APPL2: variants seen among roughly 807,000 people sequenced by gnomAD.
The protein encoded by APPL2 is DCC-interacting protein 13-beta.
APPL2 carries 84 observed loss-of-function variants against 92.7 expected under a neutral mutation model. The ratio of observed to expected loss-of-function variants is 0.91; its 90% CI spans 0.76 to 1.09. The LOEUF is 1.09. Among genes scored for constraint, APPL2 ranks in the 50% least tolerant of loss-of-function variants. APPL2 has a pLI of 0.00. For missense variants in APPL2, 736 were observed against 824.5 expected, an observed-to-expected ratio of 0.89 and a Z score of 1.31; for synonymous variants, 291 against 291.0, an observed-to-expected ratio of 1.00 and a Z score of 0.00.
Position 105,174,206 on chromosome 12 carries a change from T to C in APPL2, c.*108A>G, listed in dbSNP as rs953097566. ...CATCAAGATTACATTCCACAAACGA[T>C]TGTCAGCCTTCGGAAATCAGGTCAG... On this transcript the variant is annotated 3_prime_UTR_variant, in exon 21 of 21. Coordinates refer to ENST00000258530, the MANE Select transcript of APPL2 (RefSeq NM_018171.5). 2.9e-6 allele frequency: 4 copies of C among 1,363,992 alleles called. No individual in the cohort carries two copies. The highest frequency in any genetic ancestry group is 1.5e-5 in the South Asian group (1 of 67,142). 84.5% of individuals were successfully genotyped at this position (1,363,992 alleles called of 1,614,324 possible).
At chr12:105,175,139 C>T (rs997235121) in intron 20 of APPL2, among the ~76,000 whole-genome samples, 3 of 152,214 alleles carry the variant, frequency 2.0e-5, no homozygotes, top group Non-Finnish European at 4.4e-5. Flanking sequence ...CTGCCTCTGC[C>T]TCCCAAAGTG....
intron 4 of APPL2, among the ~76,000 whole-genome samples, chr12:105,212,439 A>G (rs1889303822): frequency 6.6e-6 from 1 of 152,262 alleles, no homozygotes; most frequent in Admixed American, 6.5e-5. Context: ...TATCATCACC[A>G]CTTTACAGAC....
At position 105,202,439 on chromosome 12, in the gene APPL2, C is replaced by T. The variant is rs61076820; in HGVS notation, c.704+1264G>A. Among the ~76,000 whole-genome samples the T allele has an allele frequency of 5.9e-3, 904 of 152,204 alleles. 18 individuals are homozygous for T. Among genetic ancestry groups the T allele is most frequent in the African/African-American group, 0.021 (854 of 41,508 alleles). On this transcript the variant is annotated intron_variant, in intron 9 of 20. Coordinates refer to ENST00000258530, the MANE Select transcript of APPL2 (RefSeq NM_018171.5). The stretch of plus-strand genomic sequence containing the variant: ...ACGCATGGGCACAAATGTCCTGCTA[C>T]CCATTCAGAAAATAATCAGGTGTGT...
intron 1 of APPL2, among the ~76,000 whole-genome samples, chr12:105,235,006 GTAT>G (rs1286694784): frequency 6.6e-6 from 1 of 152,176 alleles, no homozygotes; most frequent in Non-Finnish European, 1.5e-5. Context: ...ATCCTGGGAA[GTAT>G]TATTCACTTA....
chr12:105,209,652 C>A (rs1174281115), intron 5 of APPL2, among the ~76,000 whole-genome samples: 1 of 152,092 alleles, frequency 6.6e-6, no homozygotes, highest in Non-Finnish European at 1.5e-5. Flanking sequence ...TTAGAGAAAA[C>A]CCTTCAAAAA....
At chr12:105,203,870 G>A in intron 8 of APPL2, 85 bp from the exon 9 acceptor site, 4 of 1,237,206 alleles carry the variant, frequency 3.2e-6, no homozygotes, top group Non-Finnish European at 1.2e-6. Flanking sequence ...CAGCGTGAGG[G>A]CAGCCATCAC....
At position 105,232,491 on chromosome 12, in the gene APPL2, G is replaced by C. The variant is rs377287026; in HGVS notation, c.55-3268C>G. ...TTATCTCCATAATTTGGTGGAGGAA[G>C]AGAATGTCCTAGTGAAAAGAACCAA... is the stretch of plus-strand genomic sequence containing the variant. On this transcript the variant is annotated intron_variant, in intron 1 of 20. Coordinates refer to ENST00000258530, the MANE Select transcript of APPL2 (RefSeq NM_018171.5). Among the ~76,000 whole-genome samples the C allele has an allele frequency of 3.9e-5, 6 of 152,360 alleles. No individual in the cohort carries two copies. The East Asian group carries it at 1.2e-3, about 29-fold the overall frequency.
In APPL2 at chr12:105,177,282, A is replaced by G. The variant is rs368676151; in HGVS notation, c.1635-20T>C. 7 of 1,608,600 alleles carry G rather than the reference A, an allele frequency of 4.4e-6. No homozygotes were observed. Among genetic ancestry groups the G allele is most frequent in the Non-Finnish European group, 6.0e-6 (7 of 1,175,104 alleles). The stretch of plus-strand genomic sequence containing the variant: ...ATCAACCTGAAATTTTAAAAGATAC[A>G]TTATGTCACAAATGTTGGATAAATT... On this transcript the variant is annotated intron_variant, in intron 17 of 20. Transcript: ENST00000258530.
At chr12:105,192,372 T>G (rs527670110) in intron 14 of APPL2, among the ~76,000 whole-genome samples, 2 of 152,014 alleles carry the variant, frequency 1.3e-5, no homozygotes, top group Non-Finnish European at 2.9e-5. Context: ...AAATGGAGAG[T>G]GGGTATCTCT....
chr12:105,200,059 C>G (rs1888029094), intron 9 of APPL2, among the ~76,000 whole-genome samples: 2 of 151,476 alleles, frequency 1.3e-5, no homozygotes, highest in African/African-American at 4.8e-5. Context: ...CGGTCTCGAT[C>G]TCCTGACCTT....
At chr12:105,190,277 T>G in intron 14 of APPL2, 122 bp from the exon 15 acceptor site, 6 of 1,052,190 alleles carry the variant, frequency 5.7e-6, no homozygotes, top group Non-Finnish European at 6.8e-6. Flanking sequence ...CTCAATCCCT[T>G]AATCCATTCT....
chr12:105,221,269 C>T (rs182136153), intron 2 of APPL2, among the ~76,000 whole-genome samples: 1 of 152,314 alleles, frequency 6.6e-6, no homozygotes, highest in Admixed American at 6.5e-5. Context: ...AAGATAGCTG[C>T]TAACCCTGAG....
rs886512155 is a variant in APPL2 at position 105,176,672 on chromosome 12, A to G, written c.1812+204T>C. 2.0e-5 allele frequency: 12 copies of G among 599,902 alleles called. 1 individual carries two copies. The Admixed American group carries it at 3.9e-4, about 20-fold the overall frequency. 37.2% of individuals were successfully genotyped at this position (599,902 alleles called of 1,614,324 possible). On this transcript the variant is annotated intron_variant, in intron 19 of 20. Transcript: ENST00000258530. ...ATGAAATTTCTTCCTCATTCACCCT[A>G]TTCTGGTTGATAGGTATTTTCCACA...
At chr12:105,216,822 C>T (rs111541042) in intron 4 of APPL2, among the ~76,000 whole-genome samples, 328 of 152,276 alleles carry the variant, frequency 2.2e-3, no homozygotes, top group African/African-American at 7.6e-3. Context: ...CTTTAGAAAC[C>T]GAATTCTCAG....
rs542692033 is a variant in APPL2, at chr12:105,217,575, T to C, written c.213+91A>G. 8.9e-6 allele frequency: 11 copies of C among 1,230,440 alleles called. No individual in the cohort carries two copies. The South Asian group carries it at 1.1e-4, about 12-fold the overall frequency. 76.2% of individuals were successfully genotyped at this position (1,230,440 alleles called of 1,614,324 possible). A position where few individuals can be genotyped will look rare whatever the true frequency, so the allele number is the denominator to read the frequency against. On this transcript the variant is annotated intron_variant, in intron 3 of 20. Transcript: ENST00000258530. ...AAAACTATGAAGAAAATGAAACAAATAATTTAGGTCTCTAAGGATGCCTCT... is the reference window on the plus strand; with the variant it reads ...AAAACTATGAAGAAAATGAAACAAACAATTTAGGTCTCTAAGGATGCCTCT...
chr12:105,203,688 G>C lies in APPL2; in HGVS notation c.704+15C>G. ...GGCAAGGGGCACACAAGACCCGGCC[G>C]GAGTGCAGCATTACCTTTGAACCAT... On this transcript the variant is annotated intron_variant, in intron 9 of 20. Coordinates refer to ENST00000258530, the MANE Select transcript of APPL2 (RefSeq NM_018171.5). The C allele has an allele frequency of 6.2e-7, 1 of 1,613,338 alleles. No individual in the cohort carries two copies. Among genetic ancestry groups the C allele is most frequent in the African/African-American group, 1.3e-5 (1 of 75,026 alleles).
chr12:105,181,178 G>C (rs986273965), intron 17 of APPL2, among the ~76,000 whole-genome samples: 1 of 152,212 alleles, frequency 6.6e-6, no homozygotes, highest in Non-Finnish European at 1.5e-5. Context: ...AAGGGGTGTT[G>C]AATTTTATCG....
intron 19 of APPL2, 44 bp downstream of exon 19, chr12:105,176,832 T>C: frequency 1.3e-6 from 2 of 1,599,412 alleles, no homozygotes; most frequent in Non-Finnish European, 1.7e-6. Context: ...AAAATGGACT[T>C]GTTTGGACTG....
intron 4 of APPL2, among the ~76,000 whole-genome samples, chr12:105,214,619 A>G (rs751453911): frequency 3.9e-5 from 6 of 152,186 alleles, no homozygotes; most frequent in Non-Finnish European, 8.8e-5. Context: ...AACCCTTGTA[A>G]TTTCCTCATC....
Sources: allele counts gnomAD v4.1 joint callset (sites outside exome capture counted in the v4.1 genomes callset), GRCh38; gene constraint gnomAD v4.1.1; transcripts MANE v1.5; gene names NCBI Gene and HGNC (gene_info 2026-07-23, HGNC 2026-07-21).